The following CNTN1 variants were observed in gnomAD, a reference collection of about 807,000 sequenced individuals.
CNTN1 encodes contactin-1.
Under a neutral mutation model 126.4 loss-of-function variants are expected in CNTN1, and 38 were observed. That is an observed-to-expected ratio of 0.30 (90% confidence interval 0.23 to 0.39). The LOEUF is 0.39. CNTN1 is among the 10% of genes least tolerant of loss of function. The pLI is 1.00. For synonymous variants in CNTN1, 413 were observed against 422.6 expected (o/e 0.98, Z 0.28); for missense variants, 1,009 against 1,248.4 (o/e 0.81, Z 2.89).
At position 40,844,069 on chromosome 12, in the gene CNTN1, A is replaced by ATTTTTTT. The variant is rs397957366; in HGVS notation, c.-76-64278_-76-64272dup. On this transcript the variant is annotated intron_variant, in intron 1 of 23. Coordinates refer to ENST00000551295, the MANE Select transcript of CNTN1 (RefSeq NM_001843.4). The stretch of plus-strand genomic sequence containing the variant: ...ATTGAAAAAATTCTTTGGCACAATG[A>ATTTTTTT]TTTTTTTTTTTTTTTTGAGACGGAG... 8.7e-4 allele frequency among the ~76,000 whole-genome samples: 74 copies of ATTTTTTT among 84,652 alleles called. 15 individuals carry two copies. The highest frequency in any genetic ancestry group is 4.3e-3 in the Admixed American group (25 of 5,804). The allele number at this position is 84,652 out of a possible 152,430, so 55.5% of individuals were successfully genotyped here. A position where few individuals can be genotyped will look rare whatever the true frequency, so the allele number is the denominator to read the frequency against.
chr12:40,984,380 G>A (rs891318200), intron 16 of CNTN1, among the ~76,000 whole-genome samples: 3 of 152,074 alleles, frequency 2.0e-5, no homozygotes, highest in Non-Finnish European at 4.4e-5. Context: ...AGTTTTATTT[G>A]GCTCACAGTT....
At chr12:40,959,069 G>A (rs1203623935) in intron 14 of CNTN1, 45 bp from the exon 15 acceptor site, 2 of 1,609,544 alleles carry the variant, frequency 1.2e-6, no homozygotes, top group African/African-American at 2.7e-5. Context: ...CCACATAATT[G>A]GTGAAAAATG....
At chr12:40,851,074 A>G (rs1183267973) in intron 1 of CNTN1, among the ~76,000 whole-genome samples, 2 of 152,122 alleles carry the variant, frequency 1.3e-5, no homozygotes, top group Admixed American at 6.5e-5. Flanking sequence ...TTGGGACTGT[A>G]TTTACTGTGC....
chr12:41,018,511 G>A (rs145982140), intron 19 of CNTN1, among the ~76,000 whole-genome samples: 165 of 151,896 alleles, frequency 1.1e-3, no homozygotes, highest in Non-Finnish European at 1.5e-3. Flanking sequence ...TTCTATATAT[G>A]TATGTCATAA....
At chr12:40,856,841 C>T (rs937137548) in intron 1 of CNTN1, among the ~76,000 whole-genome samples, 5 of 151,888 alleles carry the variant, frequency 3.3e-5, no homozygotes, top group Admixed American at 6.6e-5. Context: ...TGCATAGTTC[C>T]GAGAAACAAC....
rs180717687 is a variant in CNTN1, at chr12:40,699,276, T to C, written c.-77+6684T>C. Reference sequence around the variant, plus strand: ...GAATAAAAGAAGGTTAAGACTAAATTAGTTTTTAGGATTTCAACAAATGAA... The same window carrying C: ...GAATAAAAGAAGGTTAAGACTAAATCAGTTTTTAGGATTTCAACAAATGAA... On this transcript the variant is annotated intron_variant, in intron 1 of 23. Coordinates refer to ENST00000551295, the MANE Select transcript of CNTN1 (RefSeq NM_001843.4). Among the ~76,000 whole-genome samples, 180 of 152,338 alleles carry C rather than the reference T, an allele frequency of 1.2e-3. 1 individual carries two copies. Among genetic ancestry groups the C allele is most frequent in the Non-Finnish European group, 8.7e-4 (59 of 68,036 alleles).
intron 6 of CNTN1, among the ~76,000 whole-genome samples, chr12:40,928,585 T>C (rs1357589590): frequency 6.6e-6 from 1 of 152,076 alleles, no homozygotes; most frequent in East Asian, 1.9e-4. Context: ...ATAATAAACA[T>C]ATGCTGCTGC....
intron 1 of CNTN1, among the ~76,000 whole-genome samples, chr12:40,902,076 C>A (rs1010510547): frequency 6.6e-6 from 1 of 152,094 alleles, no homozygotes; most frequent in African/African-American, 2.4e-5. Flanking sequence ...TGTATAGTAT[C>A]CCCTTTTAAA....
At chr12:40,720,407 G>GA in intron 1 of CNTN1, among the ~76,000 whole-genome samples, 1 of 97,892 alleles carries the variant, frequency 1.0e-5, no homozygotes, top group African/African-American at 3.0e-5. Flanking sequence ...TCATCTCAAA[G>GA]GGGTGTGTGT....
At chr12:40,704,566 C>T (rs1033479930) in intron 1 of CNTN1, among the ~76,000 whole-genome samples, 1 of 152,098 alleles carries the variant, frequency 6.6e-6, no homozygotes, top group African/African-American at 2.4e-5. Flanking sequence ...CATAAAAATT[C>T]ACGGATGTCC....
intron 23 of CNTN1, 111 bp downstream of exon 23, chr12:41,029,330 A>C: frequency 8.2e-7 from 1 of 1,224,446 alleles, no homozygotes; most frequent in Non-Finnish European, 1.2e-6. Flanking sequence ...TATTTTCCTA[A>C]GTAGATTGGA....
chr12:40,833,650 A>G (rs537938953), intron 1 of CNTN1, among the ~76,000 whole-genome samples: 3 of 152,308 alleles, frequency 2.0e-5, no homozygotes, highest in South Asian at 4.1e-4. Flanking sequence ...TGAATCTCCT[A>G]TAAAAATAAG....
At chr12:41,039,033 G>A (rs918858366) in intron 23 of CNTN1, among the ~76,000 whole-genome samples, 8 of 152,188 alleles carry the variant, frequency 5.3e-5, no homozygotes, top group Non-Finnish European at 1.0e-4. Flanking sequence ...AGACCAGTAC[G>A]GCTGGGGCCA....
At chr12:40,970,840 A>G (rs568446702) in intron 15 of CNTN1, among the ~76,000 whole-genome samples, 1 of 152,296 alleles carries the variant, frequency 6.6e-6, no homozygotes, top group African/African-American at 2.4e-5. Context: ...GTAAGCCTCA[A>G]GTTCCATATT....
chr12:40,766,215 G>A (rs535304891), intron 1 of CNTN1, among the ~76,000 whole-genome samples: 15 of 152,080 alleles, frequency 9.9e-5, no homozygotes, highest in Admixed American at 6.5e-4. Context: ...AAAATTAGCC[G>A]GCATGGTGAC....
chr12:40,733,210 C>T (rs569181003), intron 1 of CNTN1, among the ~76,000 whole-genome samples: 2 of 152,028 alleles, frequency 1.3e-5, no homozygotes, highest in South Asian at 4.1e-4. Flanking sequence ...ATACAAAATA[C>T]AGTGCCCTTA....
intron 1 of CNTN1, among the ~76,000 whole-genome samples, chr12:40,694,758 G>T (rs1475523756): frequency 6.6e-6 from 1 of 152,116 alleles, no homozygotes; most frequent in African/African-American, 2.4e-5. Context: ...ATTTTGCTCT[G>T]CAACTTCCTG....
rs115519041 is a variant in CNTN1 at position 40,748,926 on chromosome 12, T to A, written c.-77+56334T>A. On this transcript the variant is annotated intron_variant, in intron 1 of 23. Coordinates refer to ENST00000551295, the MANE Select transcript of CNTN1 (RefSeq NM_001843.4). ...CGATATATATTTTTTATCTATGTTTTCTTGCTAAGTTAAAATTAAAATGTG... is the reference window on the plus strand; with the variant it reads ...CGATATATATTTTTTATCTATGTTTACTTGCTAAGTTAAAATTAAAATGTG... Among the ~76,000 whole-genome samples, 305 of 152,226 alleles carry A rather than the reference T, an allele frequency of 2.0e-3. 4 individuals are homozygous for A. The highest frequency in any genetic ancestry group is 7.1e-3 in the African/African-American group (296 of 41,566).
In CNTN1 at chr12:41,070,387, A is replaced by G. The variant is rs1356516400; in HGVS notation, c.*352A>G. The stretch of plus-strand genomic sequence containing the variant: ...GAGTGAAAGTCAAATCACCATATAC[A>G]GGTGCTTTAAATTTAATAACAAGTT... On this transcript the variant is annotated 3_prime_UTR_variant, in exon 24 of 24. Transcript: ENST00000551295. 3 of 333,786 alleles carry G rather than the reference A, an allele frequency of 9.0e-6. No individual in the cohort carries two copies. Among genetic ancestry groups the G allele is most frequent in the African/African-American group, 6.4e-5 (3 of 47,122 alleles). 20.7% of individuals were successfully genotyped at this position (333,786 alleles called of 1,614,324 possible). A position where few individuals can be genotyped will look rare whatever the true frequency, so the allele number is the denominator to read the frequency against.
Sources: gnomAD v4.1 joint callset for allele counts (sites outside exome capture counted in the v4.1 genomes callset) on GRCh38, gnomAD v4.1.1 for gene constraint, MANE v1.5 for transcripts, NCBI Gene and HGNC (gene_info 2026-07-23, HGNC 2026-07-21) for gene names.